The following ZMYM2 variants were observed in gnomAD, a reference collection of about 807,000 sequenced individuals.
ZMYM2 encodes zinc finger MYM-type containing 2, also known as zinc finger MYM-type protein 2.
Under a neutral mutation model 162.8 loss-of-function variants are expected in ZMYM2, and 56 were observed. The ratio of observed to expected loss-of-function variants is 0.34; its 90% CI spans 0.28 to 0.43. The LOEUF (loss-of-function observed/expected upper bound fraction) is 0.43. Ranked by LOEUF, ZMYM2 falls within the 20% of genes least tolerant of loss-of-function variation. The probability of loss-of-function intolerance (pLI) is 1.00; values close to 1 mark genes in which losing one functional copy is unlikely to be tolerated. For missense variants in ZMYM2, 1,275 were observed against 1,621.8 expected, an observed-to-expected ratio of 0.79 and a Z score of 3.67; for synonymous variants, 510 against 541.6, an observed-to-expected ratio of 0.94 and a Z score of 0.81.
chr13:19,890,133 C>T, the ZMYM2 span, among the ~76,000 whole-genome samples: 238 of 151,880 alleles, frequency 1.6e-3, 6 homozygotes, highest in African/African-American at 5.4e-3. Context: ...GCATTTGTAT[C>T]GAGAAACGTA....
intron 21 of ZMYM2, among the ~76,000 whole-genome samples, chr13:20,077,146 T>C (rs986043296): frequency 6.6e-5 from 10 of 150,720 alleles, no homozygotes; most frequent in Non-Finnish European, 1.3e-4. Context: ...CCTTCTTTCA[T>C]TGGTTAATTT....
upstream of ZMYM2, among the ~76,000 whole-genome samples, chr13:19,957,968 C>T (rs368548200): frequency 8.7e-4 from 132 of 152,352 alleles, 4 homozygotes; most frequent in South Asian, 0.027. Context: ...TGGGGCTTCC[C>T]GAGGACAAGT....
intron 3 of ZMYM2, among the ~76,000 whole-genome samples, chr13:19,996,081 T>TGC (rs554822062): frequency 5.3e-5 from 8 of 152,136 alleles, no homozygotes; most frequent in Non-Finnish European, 8.8e-5. Flanking sequence ...TCTGTGTGTG[T>TGC]GTGTCTATCG....
intron 21 of ZMYM2, among the ~76,000 whole-genome samples, chr13:20,072,983 A>G (rs920728383): frequency 6.6e-6 from 1 of 151,266 alleles, no homozygotes; most frequent in Non-Finnish European, 1.5e-5. Context: ...ATTTTGGCTC[A>G]CTGCAACCTC....
the ZMYM2 span, among the ~76,000 whole-genome samples, chr13:19,887,553 T>G: frequency 6.6e-6 from 1 of 151,246 alleles, no homozygotes; most frequent in East Asian, 1.9e-4. Context: ...CAATATAATA[T>G]ATATATCATT....
the ZMYM2 span, among the ~76,000 whole-genome samples, chr13:19,876,254 T>C: frequency 5.9e-3 from 896 of 152,238 alleles, 10 homozygotes; most frequent in African/African-American, 0.02. Flanking sequence ...CTCAAACTCC[T>C]GACCTCCGGT....
the ZMYM2 span, among the ~76,000 whole-genome samples, chr13:19,872,632 C>T: frequency 6.6e-6 from 1 of 152,180 alleles, no homozygotes; most frequent in African/African-American, 2.4e-5. Context: ...GTATTTAAGA[C>T]AATATGAATA....
chr13:20,001,489 T>C (rs1950387635), intron 3 of ZMYM2, among the ~76,000 whole-genome samples: 1 of 152,080 alleles, frequency 6.6e-6, no homozygotes, highest in South Asian at 2.1e-4. Flanking sequence ...CTTTTTATGG[T>C]TGAGCAAATA....
At chr13:20,063,846 ACAT>A (rs1262754134) in intron 18 of ZMYM2, among the ~76,000 whole-genome samples, 2 of 146,502 alleles carry the variant, frequency 1.4e-5, no homozygotes, top group African/African-American at 4.9e-5. Context: ...TATATTATAT[ACAT>A]CATGATGTAT....
intron 6 of ZMYM2, 130 bp downstream of exon 6, chr13:20,006,716 A>AT: frequency 1.0e-6 from 1 of 975,044 alleles, no homozygotes; most frequent in Non-Finnish European, 1.5e-6. Flanking sequence ...TATTGTTGTC[A>AT]TATCATGGAG....
chr13:19,903,366 G>T, the ZMYM2 span, among the ~76,000 whole-genome samples: 1 of 150,704 alleles, frequency 6.6e-6, no homozygotes, highest in Admixed American at 6.6e-5. Context: ...TTGGCTGGGC[G>T]CAGTGGCTCA....
At position 19,968,295 on chromosome 13, in the gene ZMYM2, C is replaced by A. The variant is rs55934965; in HGVS notation, c.-11+8269C>A. Among the ~76,000 whole-genome samples the A allele has an allele frequency of 2.6e-5, 4 of 152,080 alleles. No homozygotes were observed. The East Asian group carries it at 7.7e-4, about 29-fold the overall frequency. On this transcript the variant is annotated intron_variant, in intron 2 of 24. Transcript: ENST00000610343. ...TTTGCTCTTCTTGCTCAAGCTGGAG[C>A]GCAATGGTGTGATCTCGGTCCACTG...
At chr13:20,009,621 A>G (rs1359920962) in intron 6 of ZMYM2, among the ~76,000 whole-genome samples, 2 of 152,120 alleles carry the variant, frequency 1.3e-5, no homozygotes, top group Admixed American at 1.3e-4. Flanking sequence ...ATGAATTCGT[A>G]TATTCTAGAT....
chr13:20,052,299 A>T lies in ZMYM2; in HGVS notation c.2481A>T (p.Arg827=). ...TAGATCAGGGTTGTCAGACATCTCGAACCAAAATGACAGTAAGTATTGGTG... is the reference window on the plus strand; with the variant it reads ...TAGATCAGGGTTGTCAGACATCTCGTACCAAAATGACAGTAAGTATTGGTG... ...LHYDQGCQTS[R]TKMTGSAPPP... Residue 827 remains arginine (R), a synonymous_variant, in exon 14 of 25, where the codon CGA becomes CGT. Transcript: ENST00000610343. 6.4e-7 allele frequency: 1 copy of T among 1,571,060 alleles called. No homozygotes were observed. Among genetic ancestry groups the T allele is most frequent in the East Asian group, 2.3e-5 (1 of 43,414 alleles).
At chr13:20,084,543 T>A (rs1313295931) in intron 24 of ZMYM2, among the ~76,000 whole-genome samples, 1 of 152,170 alleles carries the variant, frequency 6.6e-6, no homozygotes, top group Non-Finnish European at 1.5e-5. Context: ...AGTTTGCCAA[T>A]GCCCGGTGTA....
At chr13:19,947,576 A>G in the ZMYM2 span, among the ~76,000 whole-genome samples, 1 of 151,086 alleles carries the variant, frequency 6.6e-6, no homozygotes, top group Non-Finnish European at 1.5e-5. Flanking sequence ...CTCCTGCCTC[A>G]GCCTCGCGGG....
intron 2 of ZMYM2, among the ~76,000 whole-genome samples, chr13:19,971,272 T>A (rs1300052872): frequency 8.7e-4 from 82 of 94,462 alleles, no homozygotes; most frequent in African/African-American, 2.3e-3. Context: ...ATTTTTTTTT[T>A]TTTTTTTTTT....
Position 20,005,251 on chromosome 13 carries a change from T to C in ZMYM2, c.1299+12T>C, listed in dbSNP as rs1950654212. The C allele has an allele frequency of 2.0e-6, 3 of 1,504,002 alleles. No homozygotes were observed. Among genetic ancestry groups the C allele is most frequent in the African/African-American group, 1.4e-5 (1 of 69,150 alleles). The allele number at this position is 1,504,002 out of a possible 1,614,324, so 93.2% of individuals were successfully genotyped here. ...GTAAACTAACTGAGGTTTGTATTTTTTTTCTTTATCATTTAATTCTAACAA... is the reference window on the plus strand; with the variant it reads ...GTAAACTAACTGAGGTTTGTATTTTCTTTCTTTATCATTTAATTCTAACAA... On this transcript the variant is annotated intron_variant, in intron 5 of 24. Transcript: ENST00000610343.
chr13:19,962,897 C>T (rs892061157), intron 2 of ZMYM2, among the ~76,000 whole-genome samples: 1 of 146,914 alleles, frequency 6.8e-6, no homozygotes, highest in African/African-American at 2.5e-5. Flanking sequence ...TGTCTGCTCA[C>T]TGCAGCCTCC....
Sources: allele counts gnomAD v4.1 joint callset (sites outside exome capture counted in the v4.1 genomes callset), GRCh38; gene constraint gnomAD v4.1.1; transcripts MANE v1.5; gene names NCBI Gene and HGNC (gene_info 2026-07-23, HGNC 2026-07-21).